The following SULT1C3 variants were observed in gnomAD, a reference collection of about 807,000 sequenced individuals.
The protein encoded by SULT1C3 is sulfotransferase family 1C member 3.
A neutral mutation model predicts 28.4 loss-of-function variants in SULT1C3; 31 were observed. The observed-to-expected ratio is 1.09, with a 90% confidence interval of 0.82 to 1.47. SULT1C3 has a LOEUF of 1.47. SULT1C3 is among the 40% of genes most tolerant of loss of function. The probability of loss-of-function intolerance (pLI) is 0.00; values close to 1 mark genes in which losing one functional copy is unlikely to be tolerated. For missense variants in SULT1C3, 307 were observed against 272.5 expected, an observed-to-expected ratio of 1.13 and a Z score of -0.89; for synonymous variants, 106 against 92.2, an observed-to-expected ratio of 1.15 and a Z score of -0.86.
intron 4 of SULT1C3, among the ~76,000 whole-genome samples, chr2:108,253,766 G>T (rs967592172): frequency 2.0e-5 from 3 of 152,016 alleles, no homozygotes; most frequent in Admixed American, 6.6e-5. Flanking sequence ...AAACCCTGTT[G>T]CTTTGCTCTG....
At chr2:108,260,458 G>A (rs773677114) in intron 7 of SULT1C3, 110 bp from the exon 8 acceptor site, 1 of 352,542 alleles carries the variant, frequency 2.8e-6, no homozygotes, top group Non-Finnish European at 5.7e-6. Flanking sequence ...GGGACTGAGG[G>A]ACCCTCACTC....
chr2:108,240,599 T>A (rs959027495), intron 1 of SULT1C3, among the ~76,000 whole-genome samples: 5 of 152,200 alleles, frequency 3.3e-5, no homozygotes, highest in African/African-American at 1.2e-4. Context: ...ATTTGCAGGA[T>A]CATTGCCCAG....
chr2:108,264,159 C>T (rs1676080675), downstream of SULT1C3, among the ~76,000 whole-genome samples: 2 of 152,154 alleles, frequency 1.3e-5, no homozygotes, highest in Admixed American at 6.5e-5. Context: ...TTCAAACCAT[C>T]GTGTCTGAGT....
downstream of SULT1C3, among the ~76,000 whole-genome samples, chr2:108,262,138 T>C (rs79212552): frequency 5.1e-4 from 78 of 152,108 alleles, 1 homozygote; most frequent in East Asian, 0.014. Flanking sequence ...TCCCTAAAGG[T>C]ATAGCAAGAA....
At chr2:108,248,911 G>C (rs983648556) in intron 2 of SULT1C3, among the ~76,000 whole-genome samples, 3 of 152,154 alleles carry the variant, frequency 2.0e-5, no homozygotes, top group African/African-American at 7.2e-5. Flanking sequence ...ATGTGAACAG[G>C]AAGTCAGAGA....
downstream of SULT1C3, chr2:108,265,294 C>A: frequency 6.2e-7 from 1 of 1,613,948 alleles, no homozygotes; most frequent in Non-Finnish European, 8.5e-7. Flanking sequence ...AAGAATTTGA[C>A]AAGGACTACC....
rs1042171831 is a variant in SULT1C3, at chr2:108,247,284, A to G, written c.90A>G (p.Ile30Met). The G allele has an allele frequency of 1.9e-6, 3 of 1,599,820 alleles. No individual in the cohort carries two copies. Among genetic ancestry groups the G allele is most frequent in the African/African-American group, 2.7e-5 (2 of 74,440 alleles). The change falls in exon 2 of 8, where the codon ATA becomes ATG. Residue 30 changes from isoleucine (I) to methionine (M), a missense_variant. Coordinates refer to ENST00000681802, the MANE Select transcript of SULT1C3 (RefSeq NM_001320878.2). The stretch of plus-strand genomic sequence containing the variant: ...AAGTAGATGGAGTCCCTACGTTGAT[A>G]TTATCAAAAGAATGGTGGGAAAAAG... ...IMEVDGVPTL[I>M]LSKEWWEKVC...
downstream of SULT1C3, among the ~76,000 whole-genome samples, chr2:108,262,440 A>G (rs763521522): frequency 6.6e-6 from 1 of 152,190 alleles, no homozygotes; most frequent in Non-Finnish European, 1.5e-5. Context: ...ATGACCAACT[A>G]TACAAAGCTT....
chr2:108,264,749 A>G, downstream of SULT1C3: 1 of 1,423,676 alleles, frequency 7.0e-7, no homozygotes, highest in Admixed American at 2.2e-5. Flanking sequence ...TTTCTCTCCA[A>G]ATACTGTCCA....
At position 108,255,698 on chromosome 2, in the gene SULT1C3, G is replaced by T; in HGVS notation, c.526G>T (p.Val176Phe). 3 of 1,609,644 alleles carry T rather than the reference G, an allele frequency of 1.9e-6. No homozygotes were observed. Among genetic ancestry groups the T allele is most frequent in the Admixed American group, 1.7e-5 (1 of 59,728 alleles). ...EFYEKFMSGK[V>F]VGGSWFDHVK... ...TTATGAGAAATTCATGTCCGGAAAAGGTGAGTTCAAACTGATCTTTTTGGT... is the reference window on the plus strand; with the variant it reads ...TTATGAGAAATTCATGTCCGGAAAATGTGAGTTCAAACTGATCTTTTTGGT... The change falls in exon 5 of 8, where the codon GTT becomes TTT. Residue 176 changes from valine to phenylalanine, a missense_variant and splice_region_variant. By Grantham distance (50) the Val-to-Phe change is conservative (BLOSUM62 -1). Transcript: ENST00000681802.
chr2:108,258,791 A>G lies in SULT1C3; in HGVS notation c.584A>G (p.His195Arg). The change falls in exon 6 of 8, where the codon CAC becomes CGC. Residue 195 changes from histidine to arginine, a missense_variant. Transcript: ENST00000681802. ...GGATGGTGGGCTGCAAAAGACATGC[A>G]CCGGATCCTCTACCTCTTCTACGAG... ...VKGWWAAKDM[H>R]RILYLFYEDI... The G allele has an allele frequency of 8.1e-6, 13 of 1,612,858 alleles. No individual in the cohort carries two copies. The highest frequency in any genetic ancestry group is 9.3e-6 in the Non-Finnish European group (11 of 1,179,328).
At chr2:108,255,828 T>C in intron 5 of SULT1C3, 130 bp downstream of exon 5, 1 of 1,165,890 alleles carries the variant, frequency 8.6e-7, no homozygotes, top group South Asian at 2.0e-5. Flanking sequence ...GATCTGGGAC[T>C]GGAGAAGCCA....
At chr2:108,242,620 ATAATGTGAAG>A (rs1308042071) in intron 1 of SULT1C3, among the ~76,000 whole-genome samples, 1 of 152,228 alleles carries the variant, frequency 6.6e-6, no homozygotes, top group Non-Finnish European at 1.5e-5. Flanking sequence ...AATCTCTCTC[ATAATGTGAAG>A]TAATGTGAAA....
chr2:108,250,633 A>G (rs1171708710), intron 2 of SULT1C3, among the ~76,000 whole-genome samples: 1 of 152,008 alleles, frequency 6.6e-6, no homozygotes, highest in East Asian at 1.9e-4. Flanking sequence ...AAATTAGCCC[A>G]ACACTGAAGA....
chr2:108,263,773 G>A (rs1450651993), downstream of SULT1C3, among the ~76,000 whole-genome samples: 1 of 152,180 alleles, frequency 6.6e-6, no homozygotes, highest in African/African-American at 2.4e-5. Context: ...CCATGACAAT[G>A]TTTGCAACTC....
At chr2:108,257,204 C>G (rs1309395718) in intron 5 of SULT1C3, among the ~76,000 whole-genome samples, 1 of 151,698 alleles carries the variant, frequency 6.6e-6, no homozygotes, top group African/African-American at 2.4e-5. Context: ...TATGCAATCA[C>G]CTGAAGGTCT....
intron 7 of SULT1C3, among the ~76,000 whole-genome samples, chr2:108,259,678 C>T (rs1350805470): frequency 6.6e-6 from 1 of 152,050 alleles, no homozygotes; most frequent in Non-Finnish European, 1.5e-5. Context: ...TTTTGTTCCA[C>T]TAGAACCTAG....
chr2:108,264,343 T>C (rs189744766), downstream of SULT1C3, among the ~76,000 whole-genome samples: 550 of 152,308 alleles, frequency 3.6e-3, 2 homozygotes, highest in South Asian at 9.5e-3. Context: ...CAACTTGAGA[T>C]TCCTTTTATT....
downstream of SULT1C3, among the ~76,000 whole-genome samples, chr2:108,262,267 C>T (rs950786254): frequency 2.6e-5 from 4 of 152,132 alleles, no homozygotes; most frequent in Non-Finnish European, 5.9e-5. Context: ...GCTCGGGCCC[C>T]AGGTACTGTC....
Sources: gnomAD v4.1 joint callset for allele counts (sites outside exome capture counted in the v4.1 genomes callset) on GRCh38, gnomAD v4.1.1 for gene constraint, MANE v1.5 for transcripts, NCBI Gene and HGNC (gene_info 2026-07-23, HGNC 2026-07-21) for gene names.